MICU3: variants seen among roughly 807,000 people sequenced by gnomAD.
The protein encoded by MICU3 is mitochondrial calcium uptake 3.
MICU3 carries 62 observed loss-of-function variants against 66.5 expected under a neutral mutation model. The observed-to-expected ratio is 0.93, with a 90% confidence interval of 0.76 to 1.15. The LOEUF (loss-of-function observed/expected upper bound fraction) is 1.15, where lower values mean the gene tolerates loss of function less well. Among genes scored for constraint, MICU3 ranks in the 50% most tolerant of loss-of-function variants. The probability of loss-of-function intolerance (pLI) is 0.00; values close to 1 mark genes in which losing one functional copy is unlikely to be tolerated. For missense variants in MICU3, 779 were observed against 664.4 expected (o/e 1.17, Z -1.90); for synonymous variants, 308 against 240.7 (o/e 1.28, Z -2.59).
chr8:17,110,273 A>G (rs1038047355), intron 11 of MICU3, among the ~76,000 whole-genome samples: 2 of 152,154 alleles, frequency 1.3e-5, no homozygotes, highest in Admixed American at 6.5e-5. Flanking sequence ...TAAAATTTGT[A>G]TAACAAAAAA....
At chr8:17,134,680 G>A in the MICU3 span, among the ~76,000 whole-genome samples, 5 of 152,060 alleles carry the variant, frequency 3.3e-5, no homozygotes, top group South Asian at 4.1e-4. Flanking sequence ...TCCTGACCTC[G>A]TGATCCGCCC....
At chr8:17,110,285 TA>T (rs1802078413) in intron 11 of MICU3, among the ~76,000 whole-genome samples, 1 of 152,160 alleles carries the variant, frequency 6.6e-6, no homozygotes, top group Non-Finnish European at 1.5e-5. Context: ...AACAAAAAAT[TA>T]ACCGTTTTAA....
At chr8:17,053,897 C>G (rs1285461269) in intron 1 of MICU3, among the ~76,000 whole-genome samples, 6 of 152,096 alleles carry the variant, frequency 3.9e-5, no homozygotes, top group African/African-American at 1.4e-4. Context: ...GTGTAATTTC[C>G]TAGAAGGAGT....
intron 1 of MICU3, among the ~76,000 whole-genome samples, chr8:17,054,873 G>C (rs1816672873): frequency 6.6e-6 from 1 of 151,486 alleles, no homozygotes; most frequent in South Asian, 2.1e-4. Flanking sequence ...CAAGTAGCTG[G>C]GATTACAGGC....
At chr8:17,114,595 A>G (rs1370500574) in intron 12 of MICU3, among the ~76,000 whole-genome samples, 2 of 152,178 alleles carry the variant, frequency 1.3e-5, no homozygotes, top group Non-Finnish European at 2.9e-5. Flanking sequence ...ATAATTTTCA[A>G]ATAAATACAG....
At position 17,085,245 on chromosome 8, in the gene MICU3, C is replaced by G; in HGVS notation, c.704C>G (p.Ala235Gly). 1 of 1,604,060 alleles carries G rather than the reference C, an allele frequency of 6.2e-7. No individual in the cohort carries two copies. Among genetic ancestry groups the G allele is most frequent in the Non-Finnish European group, 8.5e-7 (1 of 1,174,778 alleles). The change falls in exon 6 of 15, where the codon GCA (alanine) becomes GGA (glycine). Residue 235 changes from alanine (A) to glycine (G), a missense_variant. By Grantham distance (60) the Ala-to-Gly change is moderately conservative (BLOSUM62 0). Coordinates refer to ENST00000318063, the MANE Select transcript of MICU3 (RefSeq NM_181723.3). ...FLLCILTKPH[A>G]GFRIAFNMFD... Reference sequence around the variant, plus strand: ...CTGTTTTTTCTGGCAGAGCCACATGCAGGGTTCAGAATAGCTTTCAACATG... The same window carrying G: ...CTGTTTTTTCTGGCAGAGCCACATGGAGGGTTCAGAATAGCTTTCAACATG...
intron 8 of MICU3, among the ~76,000 whole-genome samples, chr8:17,095,306 A>G (rs991973819): frequency 1.3e-5 from 2 of 151,928 alleles, no homozygotes; most frequent in African/African-American, 4.8e-5. Flanking sequence ...TAAGGACTAG[A>G]TTAAGGATAT....
At chr8:17,030,136 G>C (rs112510705) in intron 1 of MICU3, among the ~76,000 whole-genome samples, 2 of 152,038 alleles carry the variant, frequency 1.3e-5, no homozygotes, top group Non-Finnish European at 2.9e-5. Flanking sequence ...TCTTTTTGCT[G>C]TAAGGATATA....
the MICU3 span, among the ~76,000 whole-genome samples, chr8:17,134,512 T>C: frequency 6.6e-6 from 1 of 152,126 alleles, no homozygotes; most frequent in African/African-American, 2.4e-5. Flanking sequence ...TGGCATGATC[T>C]CTGCTCCCTG....
chr8:17,030,850 A>G (rs1301865553), intron 1 of MICU3, among the ~76,000 whole-genome samples: 1 of 151,934 alleles, frequency 6.6e-6, no homozygotes, highest in Non-Finnish European at 1.5e-5. Context: ...TGCAGAACTC[A>G]GGTAGTGCCT....
intron 10 of MICU3, 139 bp from the exon 11 acceptor site, chr8:17,105,274 G>T: frequency 1.8e-6 from 1 of 557,912 alleles, no homozygotes; most frequent in Non-Finnish European, 3.1e-6. Flanking sequence ...CTCATTTACA[G>T]GGAGGAACTT....
At chr8:17,095,094 T>C (rs1046400434) in intron 8 of MICU3, among the ~76,000 whole-genome samples, 1 of 152,054 alleles carries the variant, frequency 6.6e-6, no homozygotes, top group African/African-American at 2.4e-5. Flanking sequence ...TGAATAATTC[T>C]TTCAAATCTA....
At chr8:17,059,158 A>G (rs1317107810) in intron 1 of MICU3, among the ~76,000 whole-genome samples, 1 of 152,212 alleles carries the variant, frequency 6.6e-6, no homozygotes, top group African/African-American at 2.4e-5. Context: ...CATCCAATAT[A>G]GTTTGAGTTT....
Position 17,105,541 on chromosome 8 carries a change from C to G in MICU3, c.1214C>G (p.Ser405Ter). 6.4e-7 allele frequency: 1 copy of G among 1,563,614 alleles called. No homozygotes were observed. Among genetic ancestry groups the G allele is most frequent in the Non-Finnish European group, 8.7e-7 (1 of 1,152,190 alleles). The change falls in exon 11 of 15, where the codon TCA becomes TGA. Residue 405 changes from serine (S) to a stop codon, truncating the protein, a stop_gained. Coordinates refer to ENST00000318063, the MANE Select transcript of MICU3 (RefSeq NM_181723.3). LOFTEE classifies it high-confidence loss of function. ...CGATATACAAATGTGGAAAATACAT[C>G]AGTATTTTTAGAAAATGTGCGTTAC... The part of the protein sequence containing the change: ...LLRYTNVENT[S>*]VFLENVRYSI...
chr8:17,105,690 A>C, intron 11 of MICU3, 106 bp downstream of exon 11: 1 of 564,130 alleles, frequency 1.8e-6, no homozygotes, highest in Non-Finnish European at 3.0e-6. Flanking sequence ...GGATTAAAAG[A>C]TATCTTGGAT....
the MICU3 span, among the ~76,000 whole-genome samples, chr8:17,129,969 G>C: frequency 0.39 from 58,733 of 151,974 alleles, 11,503 homozygotes; most frequent in South Asian, 0.46. Flanking sequence ...TCTTTAAATG[G>C]TGGAAAGAAA....
chr8:17,044,303 C>G (rs1814699664), intron 1 of MICU3, among the ~76,000 whole-genome samples: 1 of 152,146 alleles, frequency 6.6e-6, no homozygotes, highest in Non-Finnish European at 1.5e-5. Context: ...CAGGCTAATA[C>G]AGAAGTCATA....
At chr8:17,058,393 C>T (rs563305417) in intron 1 of MICU3, among the ~76,000 whole-genome samples, 250 of 152,184 alleles carry the variant, frequency 1.6e-3, no homozygotes, top group Middle Eastern at 3.4e-3. Context: ...TCATTGTGCT[C>T]CAGTGAAATG....
chr8:17,061,299 G>A (rs1183118397), intron 1 of MICU3, among the ~76,000 whole-genome samples: 1 of 152,142 alleles, frequency 6.6e-6, no homozygotes, highest in African/African-American at 2.4e-5. Flanking sequence ...GGTCAGGTGG[G>A]TTTGGTAAGC....
Sources: gnomAD v4.1 joint callset for allele counts (sites outside exome capture counted in the v4.1 genomes callset) on GRCh38, gnomAD v4.1.1 for gene constraint, MANE v1.5 for transcripts, NCBI Gene and HGNC (gene_info 2026-07-23, HGNC 2026-07-21) for gene names.